Variants in FOXP1 observed in about 807,000 individuals in gnomAD.
The protein encoded by FOXP1 is forkhead box P1.
A neutral mutation model predicts 98.2 loss-of-function variants in FOXP1; 15 were observed. The ratio of observed to expected loss-of-function variants is 0.15; its 90% CI spans 0.10 to 0.24. The LOEUF (loss-of-function observed/expected upper bound fraction) is 0.24. FOXP1 is among the 10% of genes least tolerant of loss of function. The pLI is 1.00. For missense variants in FOXP1, 633 were observed against 848.5 expected (o/e 0.75, Z 3.15); for synonymous variants, 371 against 314.5 (o/e 1.18, Z -1.90).
intron 4 of FOXP1, among the ~76,000 whole-genome samples, chr3:71,328,853 C>T (rs992552777): frequency 7.2e-5 from 11 of 151,884 alleles, no homozygotes; most frequent in Non-Finnish European, 1.6e-4. Context: ...TGCCTGTAAT[C>T]CTAGCTACTT....
At chr3:71,321,161 G>C (rs916732663) in intron 4 of FOXP1, among the ~76,000 whole-genome samples, 6 of 148,932 alleles carry the variant, frequency 4.0e-5, no homozygotes, top group African/African-American at 1.5e-4. Context: ...CTTTCAGATA[G>C]TAAGACGATT....
chr3:70,997,202 T>C (rs1056707603), intron 13 of FOXP1, among the ~76,000 whole-genome samples: 1 of 152,198 alleles, frequency 6.6e-6, no homozygotes, highest in African/African-American at 2.4e-5. Context: ...AATAGGCTGT[T>C]TGACGACAAG....
chr3:71,129,129 C>A (rs1575901558), intron 6 of FOXP1, among the ~76,000 whole-genome samples: 1 of 152,086 alleles, frequency 6.6e-6, no homozygotes, highest in South Asian at 2.1e-4. Context: ...GACTAAGATA[C>A]CAAGAAAAGC....
At chr3:71,414,493 C>T (rs1466206558) in intron 3 of FOXP1, among the ~76,000 whole-genome samples, 1 of 152,206 alleles carries the variant, frequency 6.6e-6, no homozygotes, top group Non-Finnish European at 1.5e-5. Context: ...TTTTGCCGCC[C>T]ACCAATATAC....
intron 4 of FOXP1, among the ~76,000 whole-genome samples, chr3:71,318,858 G>A (rs1413640033): frequency 2.0e-5 from 3 of 152,148 alleles, no homozygotes; most frequent in African/African-American, 4.8e-5. Flanking sequence ...AAGAGAAGTC[G>A]TATTAACTCC....
intron 2 of FOXP1, among the ~76,000 whole-genome samples, chr3:71,580,147 T>C (rs570860440): frequency 2.7e-5 from 4 of 150,664 alleles, no homozygotes; most frequent in Admixed American, 2.6e-4. Flanking sequence ...GGTTCAGCAG[T>C]TGGAGGCTGT....
At chr3:71,471,156 A>G (rs2089304025) in intron 3 of FOXP1, among the ~76,000 whole-genome samples, 1 of 152,190 alleles carries the variant, frequency 6.6e-6, no homozygotes, top group East Asian at 1.9e-4. Context: ...GATGGTTACA[A>G]AAATTGACAT....
intron 7 of FOXP1, among the ~76,000 whole-genome samples, chr3:71,111,559 G>A (rs2057928547): frequency 6.6e-6 from 1 of 152,028 alleles, no homozygotes; most frequent in Admixed American, 6.6e-5. Context: ...CACCAAGCTT[G>A]GCTAACTTTT....
chr3:71,360,934 C>T (rs1020128587), intron 3 of FOXP1, among the ~76,000 whole-genome samples: 2 of 152,104 alleles, frequency 1.3e-5, no homozygotes, highest in Non-Finnish European at 2.9e-5. Context: ...AGATGGTGTT[C>T]CCAGTGGGTG....
chr3:71,551,721 G>T (rs1244817596), intron 2 of FOXP1, among the ~76,000 whole-genome samples: 1 of 152,152 alleles, frequency 6.6e-6, no homozygotes, highest in Non-Finnish European at 1.5e-5. Flanking sequence ...TGCCACATAG[G>T]TGGGAGTGGT....
Position 71,024,669 on chromosome 3 carries a change from C to T in FOXP1, c.870-9016G>A, listed in dbSNP as rs181527040. On this transcript the variant is annotated intron_variant, in intron 11 of 20. Transcript: ENST00000649528. ...GAGGATTTCACATTCCCATGTGATA[C>T]GATATTCATGAGTAAAACTTGCAAT... 1.1e-4 allele frequency among the ~76,000 whole-genome samples: 17 copies of T among 152,232 alleles called. No individual in the cohort carries two copies. In the East Asian group the frequency reaches 1.2e-3, roughly 10 times the overall value.
chr3:71,207,088 TGGG>T (rs911249955), intron 5 of FOXP1, among the ~76,000 whole-genome samples: 1 of 152,202 alleles, frequency 6.6e-6, no homozygotes, highest in African/African-American at 2.4e-5. Context: ...CCAGGTGTTC[TGGG>T]GAGCGTAATT....
intron 13 of FOXP1, among the ~76,000 whole-genome samples, chr3:70,999,907 T>C (rs919744437): frequency 2.0e-5 from 3 of 152,182 alleles, no homozygotes; most frequent in Admixed American, 1.3e-4. Context: ...ATGTACAATA[T>C]TGTTTTAATT....
intron 5 of FOXP1, among the ~76,000 whole-genome samples, chr3:71,202,909 T>A (rs1017663180): frequency 6.6e-5 from 10 of 152,214 alleles, no homozygotes; most frequent in African/African-American, 2.4e-4. Context: ...ATCTTCTCCA[T>A]CAAGGGACGT....
At chr3:71,125,658 C>T (rs1375511547) in intron 6 of FOXP1, among the ~76,000 whole-genome samples, 2 of 152,188 alleles carry the variant, frequency 1.3e-5, no homozygotes, top group Non-Finnish European at 2.9e-5. Flanking sequence ...ATCTTTTGAA[C>T]TTCCAGTAAC....
intron 5 of FOXP1, among the ~76,000 whole-genome samples, chr3:71,273,437 C>G (rs1376610095): frequency 6.6e-6 from 1 of 152,236 alleles, no homozygotes; most frequent in Non-Finnish European, 1.5e-5. Context: ...CCTAACTCAA[C>G]TGCTTCCTTC....
At chr3:70,996,288 T>C (rs1487494167) in intron 13 of FOXP1, among the ~76,000 whole-genome samples, 1 of 152,164 alleles carries the variant, frequency 6.6e-6, no homozygotes, top group African/African-American at 2.4e-5. Context: ...CTGCCCGGCC[T>C]CAAGTCATAT....
At chr3:71,224,972 G>C (rs546606372) in intron 5 of FOXP1, among the ~76,000 whole-genome samples, 1 of 152,196 alleles carries the variant, frequency 6.6e-6, no homozygotes, top group Non-Finnish European at 1.5e-5. Flanking sequence ...TGCCTAAGTG[G>C]ATGAATGAAT....
chr3:71,537,898 C>T (rs1449190844), intron 2 of FOXP1, among the ~76,000 whole-genome samples: 1 of 152,080 alleles, frequency 6.6e-6, no homozygotes, highest in African/African-American at 2.4e-5. Flanking sequence ...CACATGAACA[C>T]GATGTGAAAT....
Sources: allele counts gnomAD v4.1 joint callset (sites outside exome capture counted in the v4.1 genomes callset), GRCh38; gene constraint gnomAD v4.1.1; transcripts MANE v1.5; gene names NCBI Gene and HGNC (gene_info 2026-07-23, HGNC 2026-07-21).